The following WWC2 variants were observed in gnomAD, a reference collection of about 807,000 sequenced individuals.
WWC2 encodes the protein protein WWC2.
A neutral mutation model predicts 138.5 loss-of-function variants in WWC2; 101 were observed. The ratio of observed to expected loss-of-function variants is 0.73; its 90% confidence interval spans 0.62 to 0.86. The LOEUF is 0.86. WWC2 is among the 40% of genes least tolerant of loss of function. WWC2 has a pLI of 0.00. For missense variants in WWC2, 1,420 were observed against 1,419.4 expected (o/e 1.00, Z -0.01); for synonymous variants, 558 against 538.4 (o/e 1.04, Z -0.50).
At chr4:183,299,350 G>A (rs1325978509) in intron 21 of WWC2, among the ~76,000 whole-genome samples, 1 of 152,114 alleles carries the variant, frequency 6.6e-6, no homozygotes, top group Non-Finnish European at 1.5e-5. Context: ...CAAGCCCGCT[G>A]CCCCTCCGTC....
At chr4:183,169,523 CA>C (rs1734220022) in intron 1 of WWC2, among the ~76,000 whole-genome samples, 1 of 152,100 alleles carries the variant, frequency 6.6e-6, no homozygotes, top group East Asian at 1.9e-4. Flanking sequence ...ATTCTCCTGC[CA>C]CAGCCTCCTA....
At chr4:183,159,728 TTAAA>T (rs1382379021) in intron 1 of WWC2, among the ~76,000 whole-genome samples, 6 of 57,670 alleles carry the variant, frequency 1.0e-4, no homozygotes, top group African/African-American at 3.2e-4. Flanking sequence ...TTTTTTTTTT[TTAAA>T]AAAAAAAAAT....
chr4:183,320,413 G>A lies in WWC2; in HGVS notation c.*4684G>A, dbSNP rs982933723. 66 of 621,330 alleles carry A rather than the reference G, an allele frequency of 1.1e-4. 1 individual carries two copies. Among genetic ancestry groups the A allele is most frequent in the Non-Finnish European group, 1.6e-4 (55 of 353,948 alleles). 38.5% of individuals were successfully genotyped at this position (621,330 alleles called of 1,614,324 possible). ...CACAAAAGGATAGGGAAATAATGCC[G>A]CCAACCAGTAATGCCAAGGTGTGGC... On this transcript the variant is annotated 3_prime_UTR_variant, in exon 23 of 23. Transcript: ENST00000403733.
rs978137056 is a variant in WWC2, at chr4:183,319,587, A to G, written c.*3858A>G. The G allele has an allele frequency of 3.1e-6, 5 of 1,613,328 alleles. No individual in the cohort carries two copies. The highest frequency in any genetic ancestry group is 4.2e-6 in the Non-Finnish European group (5 of 1,179,714). ...TTTCAGGTTGGTGTTTCTCGTCTCC[A>G]GTTCTTGATGATGATCTTGTGTTTG... On this transcript the variant is annotated 3_prime_UTR_variant, in exon 23 of 23. Coordinates refer to ENST00000403733, the MANE Select transcript of WWC2 (RefSeq NM_024949.6).
chr4:183,292,166 A>G (rs557123125), intron 21 of WWC2, among the ~76,000 whole-genome samples: 2 of 152,136 alleles, frequency 1.3e-5, no homozygotes, highest in Non-Finnish European at 2.9e-5. Context: ...ACTGCGTTCC[A>G]GCTTAGGTGA....
chr4:183,146,942 A>G (rs1357916466), intron 1 of WWC2, among the ~76,000 whole-genome samples: 2 of 152,238 alleles, frequency 1.3e-5, no homozygotes, highest in Non-Finnish European at 2.9e-5. Flanking sequence ...TTTCAAGATC[A>G]GTGGCTCTCC....
rs1737491264 is a variant in WWC2, at chr4:183,265,946, A to G, written c.2202A>G (p.Ser734=). 2.5e-6 allele frequency: 4 copies of G among 1,611,092 alleles called. No homozygotes were observed. The highest frequency in any genetic ancestry group is 2.5e-6 in the Non-Finnish European group (3 of 1,178,504). Residue 734 remains serine, a synonymous_variant, in exon 14 of 23, where the codon TCA becomes TCG. Coordinates refer to ENST00000403733, the MANE Select transcript of WWC2 (RefSeq NM_024949.6). ...ATGCCTTCTTGATACCTCATACTTCAAAAGTGTAAGTAAAATCAGCGAAGA... is the reference window on the plus strand; with the variant it reads ...ATGCCTTCTTGATACCTCATACTTCGAAAGTGTAAGTAAAATCAGCGAAGA... ...NLHAFLIPHT[S]KVYFRVAVLP...
chr4:183,301,813 G>T (rs979041966), intron 21 of WWC2, among the ~76,000 whole-genome samples: 2 of 152,200 alleles, frequency 1.3e-5, no homozygotes, highest in Non-Finnish European at 2.9e-5. Context: ...TCTTGGAGTT[G>T]TACTTCCCAG....
intron 4 of WWC2, among the ~76,000 whole-genome samples, chr4:183,230,231 G>A (rs1316695712): frequency 1.3e-5 from 2 of 152,022 alleles, no homozygotes; most frequent in Non-Finnish European, 2.9e-5. Context: ...AAAAAAGTCT[G>A]TAGTTTAGTT....
chr4:183,181,792 C>T (rs1174169556), intron 1 of WWC2, among the ~76,000 whole-genome samples: 2 of 152,122 alleles, frequency 1.3e-5, no homozygotes, highest in Non-Finnish European at 2.9e-5. Context: ...GTCAACTGTA[C>T]ATAAGTTTAT....
At chr4:183,101,056 C>T (rs1743163294) in intron 1 of WWC2, among the ~76,000 whole-genome samples, 1 of 152,172 alleles carries the variant, frequency 6.6e-6, no homozygotes, top group Non-Finnish European at 1.5e-5. Flanking sequence ...TGGTGTGCAC[C>T]CAACTGCGGC....
intron 4 of WWC2, among the ~76,000 whole-genome samples, chr4:183,231,286 T>G (rs1192476703): frequency 1.4e-5 from 2 of 144,130 alleles, no homozygotes; most frequent in Admixed American, 6.9e-5. Context: ...TTTTTTTTTT[T>G]TGAGACAGAG....
intron 1 of WWC2, among the ~76,000 whole-genome samples, chr4:183,182,194 T>A (rs954102041): frequency 3.3e-5 from 5 of 152,240 alleles, no homozygotes; most frequent in African/African-American, 1.2e-4. Context: ...TTTAATCATT[T>A]AACTTCTTCA....
At chr4:183,259,602 G>A in intron 9 of WWC2, 37 bp from the exon 10 acceptor site, 1 of 1,379,824 alleles carries the variant, frequency 7.2e-7, no homozygotes, top group Non-Finnish European at 9.9e-7. Flanking sequence ...TTCATATTTT[G>A]TTATAATCAT....
chr4:183,245,989 G>A (rs1302073359), intron 6 of WWC2, among the ~76,000 whole-genome samples: 2 of 152,170 alleles, frequency 1.3e-5, no homozygotes, highest in East Asian at 1.9e-4. Context: ...AAAGTTTTCC[G>A]ACCCAGTTGA....
intron 21 of WWC2, among the ~76,000 whole-genome samples, chr4:183,309,642 A>G (rs569924935): frequency 1.3e-5 from 2 of 152,258 alleles, no homozygotes; most frequent in Non-Finnish European, 2.9e-5. Flanking sequence ...GCAAAATCAT[A>G]CAGGCACTTT....
intron 2 of WWC2, among the ~76,000 whole-genome samples, chr4:183,197,362 A>G (rs1735172954): frequency 6.6e-6 from 1 of 152,206 alleles, no homozygotes; most frequent in Admixed American, 6.5e-5. Context: ...AGCAAATGGT[A>G]TTATCTTCTC....
chr4:183,271,295 T>C, intron 16 of WWC2, 54 bp downstream of exon 16: 1 of 1,390,256 alleles, frequency 7.2e-7, no homozygotes, highest in South Asian at 1.8e-5. Context: ...ATATATGAAA[T>C]ACATATATGA....
chr4:183,274,936 C>A (rs912610052), intron 16 of WWC2, among the ~76,000 whole-genome samples: 16 of 152,074 alleles, frequency 1.1e-4, no homozygotes, highest in Non-Finnish European at 2.2e-4. Flanking sequence ...TATTCAAAAT[C>A]CTTTCTTGTA....
Sources: allele counts gnomAD v4.1 joint callset (sites outside exome capture counted in the v4.1 genomes callset), GRCh38; gene constraint gnomAD v4.1.1; transcripts MANE v1.5; gene names NCBI Gene and HGNC (gene_info 2026-07-23, HGNC 2026-07-21).